The following ITSN2 variants were observed in gnomAD, a reference collection of about 807,000 sequenced individuals.
ITSN2 encodes the protein intersectin 2.
Under a neutral mutation model 243.7 loss-of-function variants are expected in ITSN2, and 156 were observed. That is an observed-to-expected ratio of 0.64 (90% confidence interval 0.56 to 0.73). ITSN2 has a LOEUF of 0.73. Ranked by LOEUF, ITSN2 falls within the 30% of genes least tolerant of loss-of-function variation. The pLI is 0.00. For missense variants in ITSN2, 1,801 were observed against 1,996.1 expected, an observed-to-expected ratio of 0.90 and a Z score of 1.86; for synonymous variants, 703 against 699.9, an observed-to-expected ratio of 1.00 and a Z score of -0.07.
intron 1 of ITSN2, among the ~76,000 whole-genome samples, chr2:24,353,464 C>T (rs549856121): frequency 2.6e-4 from 40 of 152,000 alleles, no homozygotes; most frequent in East Asian, 1.4e-3. Context: ...TTGGTCCCAG[C>T]GGGAGGCTGA....
chr2:24,208,760 G>A (rs1669180750), intron 36 of ITSN2, among the ~76,000 whole-genome samples: 1 of 152,246 alleles, frequency 6.6e-6, no homozygotes, highest in Non-Finnish European at 1.5e-5. Flanking sequence ...CGAGGGCTGA[G>A]GCCTGTGGCC....
intron 5 of ITSN2, 142 bp from the exon 6 acceptor site, chr2:24,310,834 T>C: frequency 1.5e-6 from 1 of 675,704 alleles, no homozygotes. Flanking sequence ...CTCACTACTT[T>C]GACCCAGCAG....
intron 29 of ITSN2, among the ~76,000 whole-genome samples, chr2:24,237,558 A>G (rs1672301728): frequency 6.6e-6 from 1 of 152,086 alleles, no homozygotes; most frequent in Non-Finnish European, 1.5e-5. Flanking sequence ...TGACAACTCT[A>G]TGTGGACATC....
intron 4 of ITSN2, 152 bp from the exon 5 acceptor site, chr2:24,312,527 TAACA>T: frequency 2.1e-6 from 1 of 470,058 alleles, no homozygotes; most frequent in Non-Finnish European, 3.7e-6. Flanking sequence ...AAATATATAA[TAACA>T]AAAAGATAAA....
At chr2:24,250,046 T>G (rs908551811) in intron 25 of ITSN2, among the ~76,000 whole-genome samples, 11 of 152,194 alleles carry the variant, frequency 7.2e-5, no homozygotes, top group Non-Finnish European at 1.6e-4. Flanking sequence ...CAGTTTCACT[T>G]AATAATGTCT....
intron 29 of ITSN2, among the ~76,000 whole-genome samples, chr2:24,234,368 A>G (rs1573949657): frequency 6.6e-6 from 1 of 152,160 alleles, no homozygotes; most frequent in Admixed American, 6.5e-5. Context: ...TCACAAACCT[A>G]AATCTGAAAC....
Position 24,204,021 on chromosome 2 carries a change from C to G in ITSN2, c.4936+224G>C. The G allele has an allele frequency of 1.6e-6, 1 of 630,036 alleles. No individual in the cohort carries two copies. Among genetic ancestry groups the G allele is most frequent in the East Asian group, 2.8e-5 (1 of 36,300 alleles). The allele number at this position is 630,036 out of a possible 1,614,324, so 39.0% of individuals were successfully genotyped here. A position where few individuals can be genotyped will look rare whatever the true frequency, so the allele number is the denominator to read the frequency against. On this transcript the variant is annotated intron_variant, in intron 39 of 39. Transcript: ENST00000355123. The surrounding 1 kb of genome is among the most constrained non-coding windows in gnomAD (Gnocchi z 5.1). ...GAGAATGCTCCAGGAGTGGTGTTCA[C>G]GTCGTGTGTGTAGGGAGTGATGGGT...
At chr2:24,313,359 A>C in intron 4 of ITSN2, 101 bp downstream of exon 4, 1 of 901,028 alleles carries the variant, frequency 1.1e-6, no homozygotes, top group East Asian at 2.7e-5. Context: ...AATATTCTTA[A>C]TAACCAATAG....
chr2:24,267,473 A>G (rs1676809932), intron 20 of ITSN2, among the ~76,000 whole-genome samples: 1 of 151,960 alleles, frequency 6.6e-6, no homozygotes, highest in South Asian at 2.1e-4. Context: ...ACATACATAC[A>G]TACACACACA....
chr2:24,314,058 G>A (rs1683612702), intron 3 of ITSN2, among the ~76,000 whole-genome samples: 1 of 152,092 alleles, frequency 6.6e-6, no homozygotes. Flanking sequence ...TTTACTGCTT[G>A]CTACAAAAGG....
chr2:24,219,580 G>A (rs1290274446), intron 30 of ITSN2, among the ~76,000 whole-genome samples: 2 of 152,200 alleles, frequency 1.3e-5, no homozygotes, highest in African/African-American at 4.8e-5. Flanking sequence ...AAGCAGATGG[G>A]AATAAGCTGG....
intron 1 of ITSN2, among the ~76,000 whole-genome samples, chr2:24,338,035 TG>T (rs1686651575): frequency 6.6e-6 from 1 of 152,216 alleles, no homozygotes; most frequent in Non-Finnish European, 1.5e-5. Flanking sequence ...AAATTTAACC[TG>T]AGGCTGGTTC....
At chr2:24,328,524 G>T (rs1685416127) in intron 1 of ITSN2, among the ~76,000 whole-genome samples, 1 of 151,404 alleles carries the variant, frequency 6.6e-6, no homozygotes, top group African/African-American at 2.4e-5. Context: ...GTGCAGTGGT[G>T]CAATCTCAGC....
chr2:24,318,671 A>AT (rs1209192565), intron 2 of ITSN2, among the ~76,000 whole-genome samples: 1 of 152,130 alleles, frequency 6.6e-6, no homozygotes, highest in African/African-American at 2.4e-5. Flanking sequence ...TATTGTGAAA[A>AT]TTCAGGATTC....
intron 27 of ITSN2, 111 bp downstream of exon 27, chr2:24,248,518 C>T: frequency 1.2e-6 from 1 of 800,164 alleles, no homozygotes; most frequent in Non-Finnish European, 1.9e-6. Context: ...TTGATTACCT[C>T]TAAGTGGAAT....
chr2:24,319,335 G>A (rs1321180933), intron 2 of ITSN2, among the ~76,000 whole-genome samples: 1 of 152,138 alleles, frequency 6.6e-6, no homozygotes, highest in African/African-American at 2.4e-5. Context: ...ATTAAGAGAG[G>A]AATTAATGAT....
At chr2:24,301,287 T>C (rs768617040) in intron 10 of ITSN2, 48 bp from the exon 11 acceptor site, 1 of 1,122,400 alleles carries the variant, frequency 8.9e-7, no homozygotes, top group Non-Finnish European at 1.3e-6. Flanking sequence ...CTGGACATTT[T>C]CAGACTAGAT....
intron 32 of ITSN2, among the ~76,000 whole-genome samples, chr2:24,214,731 A>C (rs770046969): frequency 1.3e-5 from 2 of 152,034 alleles, no homozygotes; most frequent in Non-Finnish European, 2.9e-5. Flanking sequence ...TGTGCTTTTT[A>C]CCTTTATTAC....
intron 1 of ITSN2, among the ~76,000 whole-genome samples, chr2:24,358,895 T>C (rs1688699712): frequency 6.6e-6 from 1 of 152,232 alleles, no homozygotes; most frequent in African/African-American, 2.4e-5. Flanking sequence ...TGGACGAGTT[T>C]ACCTTTCATT....
Sources: gnomAD v4.1 joint callset for allele counts (sites outside exome capture counted in the v4.1 genomes callset) on GRCh38, gnomAD v4.1.1 for gene constraint, Gnocchi (gnomAD v3.1) non-coding constraint, MANE v1.5 for transcripts, NCBI Gene and HGNC (gene_info 2026-07-23, HGNC 2026-07-21) for gene names.